INTS9: variants seen among roughly 807,000 people sequenced by gnomAD.
The protein encoded by INTS9 is protein related to CPSF subunits of 74 kDa.
A neutral mutation model predicts 79.7 loss-of-function variants in INTS9; 55 were observed. That is an observed-to-expected ratio of 0.69 (90% confidence interval 0.56 to 0.86). The LOEUF is 0.86. Among genes scored for constraint, INTS9 ranks in the 40% least tolerant of loss-of-function variants. INTS9 has a pLI of 0.00. For synonymous variants in INTS9, 319 were observed against 325.2 expected, an observed-to-expected ratio of 0.98 and a Z score of 0.20; for missense variants, 721 against 831.5, an observed-to-expected ratio of 0.87 and a Z score of 1.64.
chr8:28,814,046 A>G (rs1333665456), intron 6 of INTS9, among the ~76,000 whole-genome samples: 3 of 150,940 alleles, frequency 2.0e-5, no homozygotes, highest in African/African-American at 7.3e-5. Flanking sequence ...GGCATGAGCC[A>G]CCGTGCTCAG....
At chr8:28,814,284 T>TCTCACA (rs1172397460) in intron 6 of INTS9, among the ~76,000 whole-genome samples, 1 of 134,340 alleles carries the variant, frequency 7.4e-6, no homozygotes, top group African/African-American at 2.9e-5. Flanking sequence ...ACAGGGCTTC[T>TCTCACA]CACACACACA....
chr8:28,880,549 G>A (rs986927788), intron 1 of INTS9, among the ~76,000 whole-genome samples: 1 of 151,654 alleles, frequency 6.6e-6, no homozygotes, highest in African/African-American at 2.4e-5. Flanking sequence ...ATGGAGTCTC[G>A]TTCACTCAGT....
intron 1 of INTS9, among the ~76,000 whole-genome samples, chr8:28,880,793 T>C (rs1342976479): frequency 7.2e-6 from 1 of 138,534 alleles, no homozygotes; most frequent in Non-Finnish European, 1.6e-5. Context: ...CCGGCCGCCA[T>C]CCCATCTAGG....
intron 3 of INTS9, among the ~76,000 whole-genome samples, chr8:28,849,207 C>T (rs1044179964): frequency 6.6e-6 from 1 of 152,136 alleles, no homozygotes; most frequent in Non-Finnish European, 1.5e-5. Flanking sequence ...ATTTAGGGGA[C>T]TAAGAATTGG....
chr8:28,796,080 C>T (rs193241627), intron 9 of INTS9, among the ~76,000 whole-genome samples: 7 of 152,276 alleles, frequency 4.6e-5, no homozygotes, highest in East Asian at 3.9e-4. Context: ...GAGGCCAAAG[C>T]GGGCGGATTG....
intron 8 of INTS9, among the ~76,000 whole-genome samples, chr8:28,806,555 C>T (rs534152541): frequency 6.6e-6 from 1 of 152,090 alleles, no homozygotes; most frequent in South Asian, 2.1e-4. Flanking sequence ...AATATTTTAC[C>T]CAACAGTGAA....
At position 28,850,212 on chromosome 8, in the gene INTS9, C is replaced by G. The variant is rs1020577295; in HGVS notation, c.198+1G>C. 1 of 1,612,620 alleles carries G rather than the reference C, an allele frequency of 6.2e-7. No individual in the cohort carries two copies. The highest frequency in any genetic ancestry group is 8.5e-7 in the Non-Finnish European group (1 of 1,178,740). On this transcript the variant is annotated splice_donor_variant, in intron 3 of 16. Transcript: ENST00000521022. LOFTEE classifies it high-confidence loss of function. ...CTTTAGTTTGTAGTCTTAGATATTA[C>G]CTTGTCCAAGAAAGCATTTCCATCC...
chr8:28,846,548 G>C (rs965991161), intron 4 of INTS9, among the ~76,000 whole-genome samples, 199 bp downstream of exon 4: 2 of 152,192 alleles, frequency 1.3e-5, no homozygotes, highest in African/African-American at 4.8e-5. Context: ...AGGAAGAAGA[G>C]AGTGACGTAA....
chr8:28,785,477 C>T (rs1382829675), intron 11 of INTS9, among the ~76,000 whole-genome samples: 1 of 152,158 alleles, frequency 6.6e-6, no homozygotes, highest in African/African-American at 2.4e-5. Flanking sequence ...ACTATGGATG[C>T]AGGAGTTTCT....
At chr8:28,796,069 G>A (rs1357217567) in intron 9 of INTS9, among the ~76,000 whole-genome samples, 1 of 152,192 alleles carries the variant, frequency 6.6e-6, no homozygotes, top group Non-Finnish European at 1.5e-5. Context: ...CAGCATTTTG[G>A]GAGGCCAAAG....
chr8:28,784,999 C>G (rs1803496331), intron 11 of INTS9, among the ~76,000 whole-genome samples: 1 of 152,230 alleles, frequency 6.6e-6, no homozygotes, highest in Non-Finnish European at 1.5e-5. Flanking sequence ...TCCTCTAGGT[C>G]TCTGACATTC....
At chr8:28,804,472 C>G (rs180693511) in intron 8 of INTS9, among the ~76,000 whole-genome samples, 15 of 152,144 alleles carry the variant, frequency 9.9e-5, no homozygotes, top group African/African-American at 2.4e-4. Flanking sequence ...CCCCCGCCCC[C>G]CTGCATGAGG....
intron 6 of INTS9, among the ~76,000 whole-genome samples, chr8:28,828,236 AAC>A (rs1276361768): frequency 6.6e-6 from 1 of 152,214 alleles, no homozygotes; most frequent in Admixed American, 6.5e-5. Flanking sequence ...GGAATTTGAA[AAC>A]AGTTTTCCTT....
At chr8:28,830,423 C>T (rs1014699575) in intron 6 of INTS9, among the ~76,000 whole-genome samples, 1 of 152,048 alleles carries the variant, frequency 6.6e-6, no homozygotes, top group Admixed American at 6.5e-5. Flanking sequence ...CACTTGAGGT[C>T]AGGAGTTTGA....
chr8:28,837,596 C>G (rs750874765), intron 5 of INTS9, 41 bp downstream of exon 5: 1 of 1,597,944 alleles, frequency 6.3e-7, no homozygotes, highest in Admixed American at 1.7e-5. Flanking sequence ...GGGAGGAGCT[C>G]CGCAGTCACA....
intron 6 of INTS9, among the ~76,000 whole-genome samples, chr8:28,817,481 TTC>T (rs1449493091): frequency 6.6e-6 from 1 of 152,224 alleles, no homozygotes; most frequent in Non-Finnish European, 1.5e-5. Context: ...GTGGCGTTAT[TTC>T]TGAGGGCTCT....
At chr8:28,881,578 G>T (rs1315355995) in intron 1 of INTS9, among the ~76,000 whole-genome samples, 50 of 128,454 alleles carry the variant, frequency 3.9e-4, no homozygotes, top group Non-Finnish European at 5.6e-4. Flanking sequence ...GAGGGAGGTG[G>T]GGGGATCAGC....
Position 28,850,284 on chromosome 8 carries a change from A to T in INTS9, c.138-11T>A. 6.2e-7 allele frequency: 1 copy of T among 1,607,786 alleles called. No homozygotes were observed. Among genetic ancestry groups the T allele is most frequent in the Non-Finnish European group, 8.5e-7 (1 of 1,174,574 alleles). ...TTGGACAGCCTGGGACTGCAAAACA[A>T]AAGATTAAGATTAAATTAACCTAAA... On this transcript the variant is annotated splice_polypyrimidine_tract_variant and intron_variant, in intron 2 of 16. Coordinates refer to ENST00000521022, the MANE Select transcript of INTS9 (RefSeq NM_018250.4).
chr8:28,819,318 C>T (rs1273695993), intron 6 of INTS9, among the ~76,000 whole-genome samples: 2 of 152,188 alleles, frequency 1.3e-5, no homozygotes, highest in South Asian at 2.1e-4. Context: ...CTACACACTG[C>T]TTTGAATGTG....
Sources: allele counts gnomAD v4.1 joint callset (sites outside exome capture counted in the v4.1 genomes callset), GRCh38; gene constraint gnomAD v4.1.1; transcripts MANE v1.5; gene names NCBI Gene and HGNC (gene_info 2026-07-23, HGNC 2026-07-21).